The following DUS2 variants were observed in gnomAD, a reference collection of about 807,000 sequenced individuals.
DUS2 encodes tRNA-dihydrouridine(20) synthase [NAD(P)+]-like.
In DUS2, 52 loss-of-function variants were observed where a neutral mutation model predicts 71.3. The ratio of observed to expected loss-of-function variants is 0.73; its 90% CI spans 0.58 to 0.92. The LOEUF is 0.92. Ranked by LOEUF, DUS2 falls within the 40% of genes least tolerant of loss-of-function variation. The probability of loss-of-function intolerance (pLI) is 0.00; values close to 1 mark genes in which losing one functional copy is unlikely to be tolerated. For missense variants in DUS2, 558 were observed against 622.6 expected, an observed-to-expected ratio of 0.90 and a Z score of 1.10; for synonymous variants, 204 against 227.8, an observed-to-expected ratio of 0.90 and a Z score of 0.94.
chr16:68,032,033 C>G (rs916944358), intron 2 of DUS2, among the ~76,000 whole-genome samples: 1 of 152,122 alleles, frequency 6.6e-6, no homozygotes, highest in Non-Finnish European at 1.5e-5. Flanking sequence ...ATAGAGGAGA[C>G]CAGCCCTTAA....
At chr16:68,036,101 A>G (rs1366014806) in intron 2 of DUS2, among the ~76,000 whole-genome samples, 1 of 150,914 alleles carries the variant, frequency 6.6e-6, no homozygotes, top group Admixed American at 6.6e-5. Flanking sequence ...GGTTCAAGCA[A>G]TTCTCTTGCC....
intron 16 of DUS2, 103 bp downstream of exon 16, chr16:68,078,621 A>G: frequency 1.3e-6 from 2 of 1,496,844 alleles, no homozygotes; most frequent in African/African-American, 1.4e-5. Flanking sequence ...TAGATGGTAT[A>G]TGTGGGCAGT....
intron 2 of DUS2, among the ~76,000 whole-genome samples, chr16:68,025,866 TATTCATTC>T (rs1474755211): frequency 2.6e-5 from 4 of 152,208 alleles, no homozygotes; most frequent in African/African-American, 4.8e-5. Flanking sequence ...AATAATGGTA[TATTCATTC>T]ATTCATTCAA....
intron 9 of DUS2, 76 bp downstream of exon 9, chr16:68,066,458 G>C: frequency 6.3e-7 from 1 of 1,589,690 alleles, no homozygotes. Flanking sequence ...CGATTCTTGA[G>C]GTGCTAAATT....
At position 68,066,376 on chromosome 16, in the gene DUS2, G is replaced by C. The variant is rs1413773046; in HGVS notation, c.477G>C (p.Leu159=). 1.4e-5 allele frequency: 22 copies of C among 1,613,472 alleles called. No individual in the cohort carries two copies. The highest frequency in any genetic ancestry group is 1.8e-5 in the Non-Finnish European group (21 of 1,179,492). The part of the protein sequence containing the change: ...RRPVTCKIRI[L]PSLEDTLSLV... The stretch of plus-strand genomic sequence containing the variant: ...CTGTGACCTGCAAGATTCGCATCCT[G>C]CCATCGGTAAGGATGGTGTGTTACA... Residue 159 remains leucine, a synonymous_variant, in exon 9 of 17, where the codon CTG becomes CTC. Transcript: ENST00000565263.
intron 16 of DUS2, 47 bp downstream of exon 16, chr16:68,078,565 G>A (rs1240116669): frequency 8.2e-6 from 13 of 1,594,248 alleles, no homozygotes; most frequent in Non-Finnish European, 9.5e-6. Flanking sequence ...GGGGCGGAGA[G>A]TGGGCATTCT....
At chr16:68,057,239 T>C (rs2033872611) in intron 7 of DUS2, among the ~76,000 whole-genome samples, 1 of 143,048 alleles carries the variant, frequency 7.0e-6, no homozygotes, top group Non-Finnish European at 1.5e-5. Context: ...TAGATACATA[T>C]ATATATATAG....
Position 68,079,038 on chromosome 16 carries a change from G to T in DUS2, c.*52G>T, listed in dbSNP as rs1301813798. On this transcript the variant is annotated 3_prime_UTR_variant, in exon 17 of 17. Transcript: ENST00000565263. ...CCATGGGCCTGGTGCTAAGGTGGCT[G>T]TGGATGCCACAGCATGAACCAGATG... 2.8e-6 allele frequency: 4 copies of T among 1,443,356 alleles called. No homozygotes were observed. Among genetic ancestry groups the T allele is most frequent in the South Asian group, 2.8e-5 (2 of 70,570 alleles). 89.4% of individuals were successfully genotyped at this position (1,443,356 alleles called of 1,614,324 possible).
chr16:68,024,856 C>G (rs1205322534), intron 1 of DUS2, among the ~76,000 whole-genome samples: 1 of 141,998 alleles, frequency 7.0e-6, no homozygotes, highest in East Asian at 2.1e-4. Flanking sequence ...TTTTTATAGA[C>G]AGTCTCACTG....
At chr16:68,037,693 A>G (rs1032270047) in intron 2 of DUS2, among the ~76,000 whole-genome samples, 1 of 152,062 alleles carries the variant, frequency 6.6e-6, no homozygotes, top group Non-Finnish European at 1.5e-5. Context: ...TGTTGGGATT[A>G]CAGATGTGAA....
chr16:68,033,510 G>A (rs2033471904), intron 2 of DUS2, among the ~76,000 whole-genome samples: 1 of 151,520 alleles, frequency 6.6e-6, no homozygotes, highest in Non-Finnish European at 1.5e-5. Flanking sequence ...TTTGAGACAG[G>A]GTCTTGCTCT....
chr16:68,062,518 G>T (rs557631782), intron 8 of DUS2, among the ~76,000 whole-genome samples: 1 of 152,008 alleles, frequency 6.6e-6, no homozygotes, highest in South Asian at 2.1e-4. Context: ...AGGAGATCGA[G>T]ACCATTCTGG....
At chr16:68,052,768 GAGT>G (rs1039572482) in intron 4 of DUS2, among the ~76,000 whole-genome samples, 1 of 150,938 alleles carries the variant, frequency 6.6e-6, no homozygotes, top group Non-Finnish European at 1.5e-5. Context: ...TCAGCCTCTT[GAGT>G]AGCTGGTATT....
intron 9 of DUS2, 81 bp downstream of exon 9, chr16:68,066,463 T>C (rs921102553): frequency 2.5e-6 from 4 of 1,588,740 alleles, no homozygotes; most frequent in African/African-American, 2.7e-5. Flanking sequence ...CTTGAGGTGC[T>C]AAATTAGGCT....
intron 7 of DUS2, among the ~76,000 whole-genome samples, chr16:68,056,722 AT>A (rs2033857026): frequency 6.6e-6 from 1 of 151,054 alleles, no homozygotes; most frequent in South Asian, 2.1e-4. Flanking sequence ...GATATATGTA[AT>A]TTACCCTCAA....
At chr16:68,078,610 G>A (rs1245874086) in intron 16 of DUS2, 92 bp downstream of exon 16, 1 of 1,525,796 alleles carries the variant, frequency 6.6e-7, no homozygotes. Context: ...GGAGGGTTGG[G>A]TAGATGGTAT....
chr16:68,056,902 A>G (rs2033861393), intron 7 of DUS2, among the ~76,000 whole-genome samples: 1 of 143,892 alleles, frequency 6.9e-6, no homozygotes, highest in East Asian at 2.0e-4. Context: ...TATTACATAT[A>G]TATTTATTCT....
chr16:68,040,163 C>A (rs1017827392), intron 3 of DUS2, among the ~76,000 whole-genome samples: 2 of 151,960 alleles, frequency 1.3e-5, no homozygotes, highest in Admixed American at 6.6e-5. Flanking sequence ...TGGCTCACTG[C>A]AACCTCTGCT....
intron 14 of DUS2, among the ~76,000 whole-genome samples, chr16:68,076,251 C>T (rs1487769287): frequency 4.6e-5 from 7 of 152,150 alleles, no homozygotes; most frequent in Admixed American, 6.5e-5. Flanking sequence ...GCTAGATCCC[C>T]GAGACCATTG....
Sources: gnomAD v4.1 joint callset for allele counts (sites outside exome capture counted in the v4.1 genomes callset) on GRCh38, gnomAD v4.1.1 for gene constraint, MANE v1.5 for transcripts, NCBI Gene and HGNC (gene_info 2026-07-23, HGNC 2026-07-21) for gene names.